EIF3M: variants seen among roughly 807,000 people sequenced by gnomAD.
The protein encoded by EIF3M is B5 receptor.
Under a neutral mutation model 49.7 loss-of-function variants are expected in EIF3M, and 25 were observed. The observed-to-expected ratio is 0.50, with a 90% CI of 0.37 to 0.70. The LOEUF (loss-of-function observed/expected upper bound fraction) is 0.70, where lower values mean the gene tolerates loss of function less well. Ranked by LOEUF, EIF3M falls within the 30% of genes least tolerant of loss-of-function variation. The probability of loss-of-function intolerance (pLI) is 0.00; values close to 1 mark genes in which losing one functional copy is unlikely to be tolerated. For synonymous variants in EIF3M, 156 were observed against 149.8 expected, an observed-to-expected ratio of 1.04 and a Z score of -0.30; for missense variants, 350 against 440.0, an observed-to-expected ratio of 0.80 and a Z score of 1.83.
chr11:32,594,965 T>C lies in EIF3M; in HGVS notation c.669T>C (p.Leu223=). 6.2e-7 allele frequency: 1 copy of C among 1,613,762 alleles called. No homozygotes were observed. The highest frequency in any genetic ancestry group is 8.5e-7 in the Non-Finnish European group (1 of 1,179,824). Residue 223 remains leucine (L), a synonymous_variant, in exon 7 of 11, where the codon CTT becomes CTC. Coordinates refer to ENST00000531120, the MANE Select transcript of EIF3M (RefSeq NM_006360.6). ...CAAATGCATTTCTTTTTGACCACCT[T>C]CTTACTTTAAAACCAGTCAAGTTTT... The part of the protein sequence containing the change: ...KDPNAFLFDH[L]LTLKPVKFLE...
Position 32,603,517 on chromosome 11 carries a change from A to C in EIF3M, c.*1118A>C, listed in dbSNP as rs1417669544. The C allele has an allele frequency of 6.6e-6, 1 of 152,280 alleles. No homozygotes were observed. Among genetic ancestry groups the C allele is most frequent in the Non-Finnish European group, 1.5e-5 (1 of 68,142 alleles). The allele number at this position is 152,280 out of a possible 1,614,324, so 9.4% of individuals were successfully genotyped here. On this transcript the variant is annotated 3_prime_UTR_variant, in exon 11 of 11. Transcript: ENST00000531120. ...AGAGGCTTGTTGACATTTTGGTATT[A>C]TTTGCTGCTAGCGTTTTTTTCTATT...
chr11:32,589,477 A>C, intron 4 of EIF3M, 70 bp from the exon 5 acceptor site: 1 of 1,478,114 alleles, frequency 6.8e-7, no homozygotes, highest in Non-Finnish European at 9.4e-7. Flanking sequence ...ACGCCCAGCC[A>C]GAAATGTACT....
At chr11:32,590,999 G>A (rs760326836) in intron 5 of EIF3M, among the ~76,000 whole-genome samples, 3 of 152,172 alleles carry the variant, frequency 2.0e-5, no homozygotes, top group African/African-American at 2.4e-5. Context: ...CACAGTTGCC[G>A]CCGCCACGCC....
intron 9 of EIF3M, 26 bp from the exon 10 acceptor site, chr11:32,601,736 A>G (rs1410831943): frequency 2.5e-6 from 4 of 1,603,202 alleles, no homozygotes; most frequent in Non-Finnish European, 3.4e-6. Context: ...TCCATATAAC[A>G]TACGATATAA....
chr11:32,593,698 A>C, intron 5 of EIF3M, 168 bp from the exon 6 acceptor site: 1 of 398,488 alleles, frequency 2.5e-6, no homozygotes, highest in Non-Finnish European at 4.4e-6. Context: ...TTAGTTGTCC[A>C]TCTTTCCTAC....
intron 8 of EIF3M, among the ~76,000 whole-genome samples, chr11:32,599,886 A>G (rs1252394466): frequency 2.0e-5 from 3 of 151,874 alleles, no homozygotes; most frequent in Admixed American, 6.6e-5. Context: ...TTAAAGTGAA[A>G]GGATCAGGAC....
intron 1 of EIF3M, chr11:32,584,154 C>G (rs1854954189): frequency 1.7e-6 from 1 of 590,530 alleles, no homozygotes; most frequent in East Asian, 2.9e-5. Context: ...CCGCCAGCTC[C>G]CTGGTCGGCG....
At chr11:32,586,958 G>T (rs1855009609) in intron 1 of EIF3M, 54 bp from the exon 2 acceptor site, 1 of 1,485,420 alleles carries the variant, frequency 6.7e-7, no homozygotes, top group Non-Finnish European at 9.0e-7. Flanking sequence ...GACAGAATTT[G>T]AGATTGTGCT....
In EIF3M at chr11:32,589,543, G is replaced by A. The variant is rs781539131; in HGVS notation, c.439-4G>A. 2.5e-6 allele frequency: 4 copies of A among 1,611,492 alleles called. No individual in the cohort carries two copies. The highest frequency in any genetic ancestry group is 1.4e-5 in the African/African-American group (1 of 73,314). On this transcript the variant is annotated splice_region_variant and splice_polypyrimidine_tract_variant and intron_variant, in intron 4 of 10. Transcript: ENST00000531120. The stretch of plus-strand genomic sequence containing the variant: ...AGTTTTCTCCTTTTGTCAATCTCTT[G>A]TAGGTTAGAAAATGGATTTCTGACT...
Position 32,602,875 on chromosome 11 carries a change from T to C in EIF3M, c.*476T>C. 1.9e-6 allele frequency: 3 copies of C among 1,612,000 alleles called. No individual in the cohort carries two copies. Among genetic ancestry groups the C allele is most frequent in the Non-Finnish European group, 2.5e-6 (3 of 1,179,298 alleles). ...TTTTCTTTTCTTTGGCTGGTTGTCA[T>C]TTTCTAAACTTAGTAAATTTTCACT... On this transcript the variant is annotated 3_prime_UTR_variant, in exon 11 of 11. Coordinates refer to ENST00000531120, the MANE Select transcript of EIF3M (RefSeq NM_006360.6).
chr11:32,593,967 T>C lies in EIF3M; in HGVS notation c.617+18T>C. On this transcript the variant is annotated intron_variant, in intron 6 of 10. Transcript: ENST00000531120. ...GCCCACAGGTAATGTTAAACGTTACTCTGATGAGGGTTTGACAGCGATGTA... is the reference window on the plus strand; with the variant it reads ...GCCCACAGGTAATGTTAAACGTTACCCTGATGAGGGTTTGACAGCGATGTA... 1 of 1,476,448 alleles carries C rather than the reference T, an allele frequency of 6.8e-7. No homozygotes were observed. The highest frequency in any genetic ancestry group is 9.0e-7 in the Non-Finnish European group (1 of 1,105,932). 91.5% of individuals were successfully genotyped at this position (1,476,448 alleles called of 1,614,324 possible).
At chr11:32,599,034 T>A (rs1448611711) in intron 8 of EIF3M, among the ~76,000 whole-genome samples, 4 of 152,010 alleles carry the variant, frequency 2.6e-5, no homozygotes, top group African/African-American at 7.2e-5. Context: ...GTATATTTTT[T>A]ATTTTAATTC....
intron 4 of EIF3M, 143 bp from the exon 5 acceptor site, chr11:32,589,404 G>A (rs958185817): frequency 6.7e-5 from 59 of 875,446 alleles, no homozygotes; most frequent in Middle Eastern, 3.5e-4. Context: ...TCGAACTCCC[G>A]ACTTCAGTTG....
At chr11:32,600,582 C>A in intron 8 of EIF3M, 107 bp from the exon 9 acceptor site, 1 of 1,286,476 alleles carries the variant, frequency 7.8e-7, no homozygotes, top group East Asian at 2.8e-5. Context: ...CAATAATTTC[C>A]ACAATTACAA....
intron 3 of EIF3M, 75 bp from the exon 4 acceptor site, chr11:32,588,937 T>A: frequency 1.9e-6 from 3 of 1,576,160 alleles, no homozygotes; most frequent in Non-Finnish European, 2.6e-6. Flanking sequence ...GCCACAGGTT[T>A]GTGGTGAGAG....
In EIF3M at chr11:32,603,026, A is replaced by C. The variant is rs1177205447; in HGVS notation, c.*627A>C. 6 of 1,581,938 alleles carry C rather than the reference A, an allele frequency of 3.8e-6. No homozygotes were observed. The East Asian group carries it at 1.3e-4, about 35-fold the overall frequency. On this transcript the variant is annotated 3_prime_UTR_variant, in exon 11 of 11. Transcript: ENST00000531120. ...ATCAGAGGCTTTGTTTTCACCTGGGAAAGATAAACTAATTTTACCTTCGAA... is the reference window on the plus strand; with the variant it reads ...ATCAGAGGCTTTGTTTTCACCTGGGCAAGATAAACTAATTTTACCTTCGAA...
rs1855288269 is a variant in EIF3M at position 32,602,643 on chromosome 11, T to C, written c.*244T>C. 3.9e-6 allele frequency: 3 copies of C among 761,714 alleles called. No homozygotes were observed. The highest frequency in any genetic ancestry group is 2.0e-5 in the South Asian group (1 of 49,544). The allele number at this position is 761,714 out of a possible 1,614,324, so 47.2% of individuals were successfully genotyped here. On this transcript the variant is annotated 3_prime_UTR_variant, in exon 11 of 11. Coordinates refer to ENST00000531120, the MANE Select transcript of EIF3M (RefSeq NM_006360.6). ...AATGAGCACTTTAAAGAAAGGATAA[T>C]ATACAGAGAGAAGACAGAAGTAGAG...
At chr11:32,588,811 A>T in intron 3 of EIF3M, 79 bp downstream of exon 3, 9 of 1,588,386 alleles carry the variant, frequency 5.7e-6, no homozygotes, top group Non-Finnish European at 7.7e-6. Flanking sequence ...GCAGAGCAGG[A>T]ATTCTGGAAC....
chr11:32,588,921 G>A (rs11031885), intron 3 of EIF3M, 91 bp from the exon 4 acceptor site: 2 of 1,549,064 alleles, frequency 1.3e-6, no homozygotes, highest in Non-Finnish European at 1.7e-6. Context: ...GTTGTTAACG[G>A]TACCTGCCAC....
Sources: allele counts gnomAD v4.1 joint callset (sites outside exome capture counted in the v4.1 genomes callset), GRCh38; gene constraint gnomAD v4.1.1; transcripts MANE v1.5; gene names NCBI Gene and HGNC (gene_info 2026-07-23, HGNC 2026-07-21).